Variants in CYRIB observed in about 807,000 individuals in gnomAD.
CYRIB encodes CYFIP related Rac1 interactor B, also known as CYFIP-related Rac1 interactor B.
A neutral mutation model predicts 44.2 loss-of-function variants in CYRIB; 8 were observed. The observed-to-expected ratio is 0.18, with a 90% CI of 0.11 to 0.33. The LOEUF (loss-of-function observed/expected upper bound fraction) is 0.33, where lower values mean the gene tolerates loss of function less well. Ranked by LOEUF, CYRIB falls within the 10% of genes least tolerant of loss-of-function variation. CYRIB has a pLI of 1.00. For synonymous variants in CYRIB, 131 were observed against 127.2 expected (o/e 1.03, Z -0.20); for missense variants, 185 against 382.8 (o/e 0.48, Z 4.31).
chr8:129,903,271 A>ATT (rs1384851227), intron 2 of CYRIB, 41 bp downstream of exon 4: 2 of 152,588 alleles, frequency 1.3e-5, no homozygotes, highest in Non-Finnish European at 2.9e-5. Flanking sequence ...ATAACTTTTC[A>ATT]TTTATATTTG....
chr8:129,990,431 C>T (rs570221860), intron 1 of CYRIB, among the ~76,000 whole-genome samples: 10 of 151,908 alleles, frequency 6.6e-5, no homozygotes, highest in African/African-American at 2.4e-4. Context: ...TTTCATGCTG[C>T]TGAGCAAATG....
At chr8:129,918,398 AG>A (rs758096901) in intron 1 of CYRIB, among the ~76,000 whole-genome samples, 3 of 152,216 alleles carry the variant, frequency 2.0e-5, no homozygotes, top group Admixed American at 1.3e-4. Context: ...ACGTTTTCTA[AG>A]GGTTGAAAAA....
intron 7 of CYRIB, among the ~76,000 whole-genome samples, chr8:129,853,679 CT>C (rs2044559096): frequency 1.3e-5 from 2 of 152,082 alleles, no homozygotes; most frequent in African/African-American, 4.8e-5. Flanking sequence ...TAATAAACAG[CT>C]TAAGAGGAGG....
intron 2 of CYRIB, among the ~76,000 whole-genome samples, chr8:129,967,403 G>GTTT (rs1356247526): frequency 8.2e-5 from 12 of 147,090 alleles, no homozygotes; most frequent in African/African-American, 3.0e-4. Flanking sequence ...TTTTTGAGAT[G>GTTT]GAGTCTTGCT....
At chr8:129,962,789 TCA>T (rs2095323080) in intron 2 of CYRIB, among the ~76,000 whole-genome samples, 1 of 152,208 alleles carries the variant, frequency 6.6e-6, no homozygotes, top group African/African-American at 2.4e-5. Context: ...GTTAATTCAT[TCA>T]CTGAGTAAAC....
chr8:129,943,940 A>C (rs1259179411), upstream of CYRIB, among the ~76,000 whole-genome samples: 1 of 144,516 alleles, frequency 6.9e-6, no homozygotes, highest in African/African-American at 2.6e-5. Flanking sequence ...AAAGAATGAG[A>C]CCTCTTAGCT....
At chr8:130,007,900 T>C (rs910584633) in intron 1 of CYRIB, among the ~76,000 whole-genome samples, 2 of 150,882 alleles carry the variant, frequency 1.3e-5, no homozygotes. Context: ...GTGATCCTGA[T>C]GGGAGCCCTG....
chr8:129,938,828 C>T (rs1328314831), intron 1 of CYRIB, among the ~76,000 whole-genome samples: 1 of 152,092 alleles, frequency 6.6e-6, no homozygotes, highest in African/African-American at 2.4e-5. Flanking sequence ...AAAAAAGGTA[C>T]TCAGTATGAC....
intron 5 of CYRIB, among the ~76,000 whole-genome samples, chr8:129,861,620 T>C (rs931737173): frequency 1.3e-5 from 2 of 150,094 alleles, no homozygotes; most frequent in African/African-American, 5.0e-5. Context: ...TGTTTGTTTG[T>C]TGTTTTTTTT....
At chr8:129,937,749 T>C (rs989447062) in intron 1 of CYRIB, among the ~76,000 whole-genome samples, 1 of 152,212 alleles carries the variant, frequency 6.6e-6, no homozygotes, top group Admixed American at 6.5e-5. Context: ...AATTATATAA[T>C]CTAGAATTCA....
chr8:129,998,139 C>A lies in CYRIB; in HGVS notation c.-296+18231G>T, dbSNP rs139320280. Among the ~76,000 whole-genome samples the A allele has an allele frequency of 8.0e-3, 1,011 of 126,346 alleles. 7 individuals carry two copies. Among genetic ancestry groups the A allele is most frequent in the African/African-American group, 0.014 (431 of 30,696 alleles). 82.9% of individuals were successfully genotyped at this position (126,346 alleles called of 152,430 possible). On this transcript the variant is annotated intron_variant, in intron 1 of 14. Coordinates refer to the CYRIB transcript ENST00000401979. ...TGTCTCAAAAAAAAAAAAAAAAAAA[C>A]AAAAAAAACACCTCAGAAACGGAGG...
chr8:129,973,725 C>T (rs2095809151), intron 1 of CYRIB, among the ~76,000 whole-genome samples: 1 of 152,182 alleles, frequency 6.6e-6, no homozygotes. Flanking sequence ...ACTCTAGGGG[C>T]TGAGAAAGGA....
intron 5 of CYRIB, among the ~76,000 whole-genome samples, chr8:129,861,122 C>A (rs528491763): frequency 6.6e-6 from 1 of 152,272 alleles, no homozygotes; most frequent in African/African-American, 2.4e-5. Context: ...TATGGAAGTA[C>A]GTGTTTTAAC....
At chr8:129,961,595 C>T (rs939440367) in intron 2 of CYRIB, among the ~76,000 whole-genome samples, 1 of 152,170 alleles carries the variant, frequency 6.6e-6, no homozygotes, top group Non-Finnish European at 1.5e-5. Context: ...TGGAACTTGG[C>T]CAGACTGTAA....
chr8:129,915,386 A>G (rs556398742), intron 1 of CYRIB, among the ~76,000 whole-genome samples: 3 of 152,346 alleles, frequency 2.0e-5, no homozygotes, highest in African/African-American at 7.2e-5. Context: ...GCCAGATATA[A>G]AAGAATATAT....
intron 2 of CYRIB, among the ~76,000 whole-genome samples, chr8:129,968,424 G>A (rs1291400693): frequency 2.0e-5 from 3 of 151,406 alleles, no homozygotes; most frequent in Admixed American, 2.0e-4. Context: ...TTTTTCTTGT[G>A]AACCTAAACT....
chr8:129,953,768 A>C (rs1417330980), intron 2 of CYRIB, among the ~76,000 whole-genome samples: 1 of 152,202 alleles, frequency 6.6e-6, no homozygotes, highest in Non-Finnish European at 1.5e-5. Context: ...CAGAGCTGGA[A>C]CCAGGGAATC....
At chr8:129,942,386 A>G (rs2093775393), upstream of CYRIB, among the ~76,000 whole-genome samples, 1 of 152,154 alleles carries the variant, frequency 6.6e-6, no homozygotes, top group South Asian at 2.1e-4. Context: ...AGGAACACGG[A>G]ATACCCCTCT....
At chr8:129,958,756 A>G (rs888612517) in intron 2 of CYRIB, among the ~76,000 whole-genome samples, 2 of 140,408 alleles carry the variant, frequency 1.4e-5, no homozygotes, top group Admixed American at 7.3e-5. Flanking sequence ...CCCATCTACC[A>G]CTGGTTTAAA....
Sources: gnomAD v4.1 joint callset for allele counts (sites outside exome capture counted in the v4.1 genomes callset) on GRCh38, gnomAD v4.1.1 for gene constraint, MANE v1.5 for transcripts, NCBI Gene and HGNC (gene_info 2026-07-23, HGNC 2026-07-21) for gene names.